The following SPTBN2 variants were observed in gnomAD, a reference collection of about 807,000 sequenced individuals.
SPTBN2 encodes spectrin beta, non-erythrocytic 2.
Under a neutral mutation model 284.2 loss-of-function variants are expected in SPTBN2, and 107 were observed. The ratio of observed to expected loss-of-function variants is 0.38; its 90% CI spans 0.32 to 0.44. The LOEUF is 0.44. Among genes scored for constraint, SPTBN2 ranks in the 20% least tolerant of loss-of-function variants. The pLI is 1.00. For missense variants in SPTBN2, 2,569 were observed against 3,287.1 expected, an observed-to-expected ratio of 0.78 and a Z score of 5.34; for synonymous variants, 1,289 against 1,354.8, an observed-to-expected ratio of 0.95 and a Z score of 1.07.
In SPTBN2 at chr11:66,692,758, G is replaced by A; in HGVS notation, c.4986-18C>T. 1 of 1,600,266 alleles carries A rather than the reference G, an allele frequency of 6.2e-7. No homozygotes were observed. Among genetic ancestry groups the A allele is most frequent in the Non-Finnish European group, 8.5e-7 (1 of 1,179,936 alleles). ...TCCGAGTGCTGCAAGAAGAGTGAGG[G>A]AGGCACTGTGGGACTTAGGGGTGTA... On this transcript the variant is annotated intron_variant, in intron 25 of 37. Coordinates refer to ENST00000533211, the MANE Select transcript of SPTBN2 (RefSeq NM_006946.4).
chr11:66,692,531 CTCACAG>C lies in SPTBN2; in HGVS notation c.5189_5190+4del. The C allele has an allele frequency of 6.2e-7, 1 of 1,601,492 alleles. No homozygotes were observed. The highest frequency in any genetic ancestry group is 8.5e-7 in the Non-Finnish European group (1 of 1,179,942). On this transcript the variant is annotated splice_donor_variant and splice_donor_region_variant and coding_sequence_variant and intron_variant, in exon 26 of 38. Transcript: ENST00000533211. LOFTEE classifies it high-confidence loss of function. ...ATCTGAGCTGGGTGCCCTCCCTACA[CTCACAG>C]TCACATGCTCGTAGTCCTGGCCCAG...
chr11:66,732,940 TG>T (rs1322100498), upstream of SPTBN2, among the ~76,000 whole-genome samples: 1 of 141,120 alleles, frequency 7.1e-6, no homozygotes, highest in Non-Finnish European at 1.5e-5. Context: ...CACTCCAGCC[TG>T]GGGGACAGAG....
At chr11:66,689,302 T>G (rs1940375136) in intron 29 of SPTBN2, 122 bp from the exon 30 acceptor site, 1 of 1,100,446 alleles carries the variant, frequency 9.1e-7, no homozygotes, top group African/African-American at 1.6e-5. Context: ...GAGACGGAGT[T>G]TCGCTCTTAT....
chr11:66,701,541 T>C, intron 16 of SPTBN2, 43 bp downstream of exon 16: 1 of 1,614,080 alleles, frequency 6.2e-7, no homozygotes, highest in Non-Finnish European at 8.5e-7. Flanking sequence ...CCCCATTGCT[T>C]CATTTTTCTG....
intron 18 of SPTBN2, 126 bp downstream of exon 18, chr11:66,699,280 C>T: frequency 7.6e-7 from 1 of 1,316,736 alleles, no homozygotes; most frequent in South Asian, 1.3e-5. Flanking sequence ...CTTAGTTCTT[C>T]CCCTCTACTT....
intron 3 of SPTBN2, among the ~76,000 whole-genome samples, chr11:66,719,889 T>C (rs1205827294): frequency 6.6e-6 from 1 of 152,074 alleles, no homozygotes. Context: ...ATAGACACAC[T>C]GGTAGGAGTG....
At chr11:66,716,059 G>T in intron 3 of SPTBN2, 78 bp from the exon 4 acceptor site, 1 of 1,600,024 alleles carries the variant, frequency 6.2e-7, no homozygotes, top group Non-Finnish European at 8.5e-7. Context: ...GCAGGGGTGG[G>T]GGATGGAGAA....
rs761495358 is a variant in SPTBN2, at chr11:66,687,958, G to T, written c.6451-40C>A. 5 of 1,614,070 alleles carry T rather than the reference G, an allele frequency of 3.1e-6. No individual in the cohort carries two copies. In the South Asian group the frequency reaches 4.4e-5, roughly 14 times the overall value. On this transcript the variant is annotated intron_variant, in intron 33 of 37. Coordinates refer to ENST00000533211, the MANE Select transcript of SPTBN2 (RefSeq NM_006946.4). The surrounding 1 kb of genome is among the most constrained non-coding windows in gnomAD (Gnocchi z 5.2). ...ATCTGTAAAAGGATGTGCGGGGGTGGAGGGGCTACGACTCCGATGGGGGCA... is the reference window on the plus strand; with the variant it reads ...ATCTGTAAAAGGATGTGCGGGGGTGTAGGGGCTACGACTCCGATGGGGGCA...
In SPTBN2 at chr11:66,687,808, C is replaced by G; in HGVS notation, c.6501+60G>C. On this transcript the variant is annotated intron_variant, in intron 34 of 37. Coordinates refer to ENST00000533211, the MANE Select transcript of SPTBN2 (RefSeq NM_006946.4). This position sits in a 1 kb window ranked among gnomAD's most constrained non-coding sequence, Gnocchi z 5.2. ...CCCAGTACTCCCCCACCCGCACTCA[C>G]CACCCCCTCTGGACCCTTCGCCTCA... The G allele has an allele frequency of 3.1e-6, 5 of 1,608,778 alleles. No individual in the cohort carries two copies. The highest frequency in any genetic ancestry group is 4.3e-6 in the Non-Finnish European group (5 of 1,175,220).
rs760415072 is a variant in SPTBN2, at chr11:66,700,942, T to C, written c.3157A>G (p.Thr1053Ala). The change falls in exon 17 of 38, where the codon ACC becomes GCC. Residue 1053 changes from threonine to alanine, a missense_variant. Coordinates refer to ENST00000533211, the MANE Select transcript of SPTBN2 (RefSeq NM_006946.4). The surrounding 1 kb of genome is among the most constrained non-coding windows in gnomAD (Gnocchi z 6.6). The part of the protein sequence containing the change: ...VQTGWEDLRA[T>A]MRRREESLGE... ...AGCGACTCTTCTCGACGCCGCATGG[T>C]GGCCCTGAGGTCCTCCCAGCCGGTC... The C allele has an allele frequency of 1.2e-6, 2 of 1,603,994 alleles. No homozygotes were observed. Among genetic ancestry groups the C allele is most frequent in the Non-Finnish European group, 1.7e-6 (2 of 1,179,840 alleles).
rs746396925 is a variant in SPTBN2 at position 66,688,170 on chromosome 11, C to T, written c.6373G>A (p.Gly2125Arg). The part of the protein sequence containing the change: ...GQTASDTTWD[G>R]TQPRPPPSTQ... ...CTACCCAGGCATCCTGGCTCTCACC[C>T]GTCCCAGGTGGTGTCAGAAGCTGTC... is the stretch of plus-strand genomic sequence containing the variant. Residue 2125 changes from glycine to arginine, a missense_variant and splice_region_variant, in exon 32 of 38, where the codon GGA becomes AGA. Physicochemically the swap from Gly to Arg is moderately radical, Grantham distance 125. Coordinates refer to ENST00000533211, the MANE Select transcript of SPTBN2 (RefSeq NM_006946.4). 20 of 1,613,402 alleles carry T rather than the reference C, an allele frequency of 1.2e-5. No individual in the cohort carries two copies. The highest frequency in any genetic ancestry group is 3.3e-4 in the Middle Eastern group (2 of 6,084).
At chr11:66,694,393 A>C (rs1455806499) in intron 21 of SPTBN2, 30 bp from the exon 22 acceptor site, 44 of 1,607,466 alleles carry the variant, frequency 2.7e-5, no homozygotes, top group Non-Finnish European at 3.7e-5. Context: ...AGGACATGTT[A>C]GCTCTGCATT....
chr11:66,692,983 C>T lies in SPTBN2; in HGVS notation c.4972G>A (p.Glu1658Lys), dbSNP rs894190127. The T allele has an allele frequency of 1.2e-6, 2 of 1,606,714 alleles. No homozygotes were observed. The highest frequency in any genetic ancestry group is 1.3e-5 in the African/African-American group (1 of 75,026). Residue 1658 changes from glutamate (E) to lysine (K), a missense_variant, in exon 25 of 38, where the codon GAG becomes AAG. Around this residue, in one of 6 missense-constraint regions of SPTBN2, gnomAD observed 1,130 missense variants for 1,317.3 expected, o/e 0.86. Coordinates refer to ENST00000533211, the MANE Select transcript of SPTBN2 (RefSeq NM_006946.4). ...AASSQDMIDH[E>K]HPESTRISIR... ...CGCTGCACCCACCTCTCTGGGTGCT[C>T]GTGGTCAATCATGTCCTGGCTGCTG...
intron 29 of SPTBN2, among the ~76,000 whole-genome samples, chr11:66,689,581 G>C (rs1021716968): frequency 6.6e-6 from 1 of 152,168 alleles, no homozygotes; most frequent in African/African-American, 2.4e-5. Flanking sequence ...TGGGATTACA[G>C]GCGTGAGCCA....
chr11:66,714,518 G>T, intron 5 of SPTBN2, 111 bp from the exon 6 acceptor site: 1 of 957,926 alleles, frequency 1.0e-6, no homozygotes, highest in Non-Finnish European at 1.7e-6. Flanking sequence ...GTAATGGGGT[G>T]GACAGGCATA....
chr11:66,727,115 C>A (rs1030479462), intron 1 of SPTBN2, among the ~76,000 whole-genome samples: 1 of 152,230 alleles, frequency 6.6e-6, no homozygotes, highest in Non-Finnish European at 1.5e-5. Flanking sequence ...CCTTCCCCAA[C>A]CCGGGGTCAC....
intron 3 of SPTBN2, among the ~76,000 whole-genome samples, chr11:66,717,682 C>T (rs777828992): frequency 6.6e-6 from 1 of 152,214 alleles, no homozygotes; most frequent in Non-Finnish European, 1.5e-5. Flanking sequence ...CACTGCCCTA[C>T]TGCTGGGCAC....
In SPTBN2 at chr11:66,687,008, A is replaced by G. The variant is rs535993257; in HGVS notation, c.6882T>C (p.His2294=). The G allele has an allele frequency of 4.3e-6, 7 of 1,613,838 alleles. No individual in the cohort carries two copies. The highest frequency in any genetic ancestry group is 1.1e-5 in the South Asian group (1 of 91,084). ...SVAFDYRKRK[H]VFKLGLQDGK... ...CCTGTTCCTACCCCAGCTTGAAGAC[A>G]TGTTTGCGCTTTCGGTAATCAAAGG... Residue 2294 remains histidine, a synonymous_variant, in exon 36 of 38, where the codon CAT becomes CAC. Coordinates refer to ENST00000533211, the MANE Select transcript of SPTBN2 (RefSeq NM_006946.4). This position sits in a 1 kb window ranked among gnomAD's most constrained non-coding sequence, Gnocchi z 5.2.
At chr11:66,734,928 C>T (rs377729202) in intron 1 of SPTBN2, among the ~76,000 whole-genome samples, 14 of 152,312 alleles carry the variant, frequency 9.2e-5, no homozygotes, top group African/African-American at 2.9e-4. Flanking sequence ...GCAGCAGCAA[C>T]GGCAACAGCA....
Sources: allele counts gnomAD v4.1 joint callset (sites outside exome capture counted in the v4.1 genomes callset), GRCh38; gene constraint gnomAD v4.1.1; regional missense constraint gnomAD v4.1.1; non-coding constraint Gnocchi (gnomAD v3.1); transcripts MANE v1.5; gene names NCBI Gene and HGNC (gene_info 2026-07-23, HGNC 2026-07-21).